HS6ST3: variants seen among roughly 807,000 people sequenced by gnomAD.
HS6ST3 encodes the protein heparan-sulfate 6-O-sulfotransferase 3.
HS6ST3 carries 12 observed loss-of-function variants against 36.7 expected under a neutral mutation model. The observed-to-expected ratio is 0.33, with a 90% CI of 0.21 to 0.53. The LOEUF is 0.53. HS6ST3 is among the 20% of genes least tolerant of loss of function. The pLI, the probability that HS6ST3 is intolerant of heterozygous loss-of-function variation, is 0.95. For synonymous variants in HS6ST3, 240 were observed against 257.5 expected, an observed-to-expected ratio of 0.93 and a Z score of 0.65; for missense variants, 584 against 640.9, an observed-to-expected ratio of 0.91 and a Z score of 0.96.
At chr13:96,400,123 G>C (rs1216745199) in intron 1 of HS6ST3, among the ~76,000 whole-genome samples, 6 of 150,188 alleles carry the variant, frequency 4.0e-5, no homozygotes, top group Non-Finnish European at 1.5e-5. Context: ...CAGTATACTG[G>C]AAATGCTCCC....
chr13:96,699,310 A>G (rs192269119), intron 1 of HS6ST3, among the ~76,000 whole-genome samples: 56 of 152,292 alleles, frequency 3.7e-4, no homozygotes, highest in Non-Finnish European at 5.0e-4. Flanking sequence ...AGAATTCACA[A>G]GCAACCTACA....
intron 1 of HS6ST3, among the ~76,000 whole-genome samples, chr13:96,568,676 T>G (rs1271118283): frequency 6.6e-6 from 1 of 152,220 alleles, no homozygotes; most frequent in Non-Finnish European, 1.5e-5. Flanking sequence ...ACAGATCATA[T>G]CTGAGAACAC....
chr13:96,284,944 T>TTTCC (rs2054794448), intron 1 of HS6ST3, among the ~76,000 whole-genome samples: 1 of 151,218 alleles, frequency 6.6e-6, no homozygotes, highest in Admixed American at 6.6e-5. Flanking sequence ...TCTTTCTTTC[T>TTTCC]TTCTTTCTTT....
intron 1 of HS6ST3, among the ~76,000 whole-genome samples, chr13:96,206,119 A>G (rs1158295704): frequency 6.6e-6 from 1 of 152,190 alleles, no homozygotes; most frequent in Non-Finnish European, 1.5e-5. Flanking sequence ...GCAAAGTCTC[A>G]GGATACAAAA....
intron 1 of HS6ST3, among the ~76,000 whole-genome samples, chr13:96,779,443 A>G (rs1158203347): frequency 6.6e-6 from 1 of 152,144 alleles, no homozygotes; most frequent in Non-Finnish European, 1.5e-5. Context: ...CTCAACAACT[A>G]TATGAGAGCT....
chr13:96,821,673 G>A (rs1320625029), intron 1 of HS6ST3, among the ~76,000 whole-genome samples: 1 of 152,156 alleles, frequency 6.6e-6, no homozygotes, highest in Non-Finnish European at 1.5e-5. Context: ...CATTATTGAG[G>A]AGATGACCTC....
intron 1 of HS6ST3, among the ~76,000 whole-genome samples, chr13:96,744,470 T>C (rs1876515931): frequency 6.6e-6 from 1 of 152,048 alleles, no homozygotes; most frequent in Non-Finnish European, 1.5e-5. Context: ...TAACACGATA[T>C]TAATGGCTGA....
intron 1 of HS6ST3, among the ~76,000 whole-genome samples, chr13:96,619,919 C>G (rs1319946145): frequency 1.3e-5 from 2 of 152,080 alleles, no homozygotes; most frequent in Non-Finnish European, 2.9e-5. Context: ...AACTTTGGGG[C>G]TTGGAACAGT....
Position 96,345,582 on chromosome 13 carries a change from C to G in HS6ST3, c.707+254013C>G, listed in dbSNP as rs538542134. Among the ~76,000 whole-genome samples the G allele has an allele frequency of 8.5e-5, 13 of 152,290 alleles. No homozygotes were observed. The East Asian group carries it at 2.5e-3, about 29-fold the overall frequency. On this transcript the variant is annotated intron_variant, in intron 1 of 1. Coordinates refer to ENST00000376705, the MANE Select transcript of HS6ST3 (RefSeq NM_153456.4). ...CTTCACATGTACTAGGGGACAATAT[C>G]GTACCACATTGTTTGTGGGTATCCT...
intron 1 of HS6ST3, among the ~76,000 whole-genome samples, chr13:96,470,608 C>T (rs1382171941): frequency 4.6e-5 from 7 of 152,188 alleles, no homozygotes; most frequent in Non-Finnish European, 2.9e-5. Context: ...AACCTTGCCT[C>T]TTCCATAGTC....
intron 1 of HS6ST3, among the ~76,000 whole-genome samples, chr13:96,092,159 G>A (rs1315873632): frequency 6.6e-6 from 1 of 152,148 alleles, no homozygotes; most frequent in Non-Finnish European, 1.5e-5. Context: ...TCTAATTCTG[G>A]AGATGGTCTT....
intron 1 of HS6ST3, among the ~76,000 whole-genome samples, chr13:96,628,054 T>G (rs558911968): frequency 6.6e-6 from 1 of 152,032 alleles, no homozygotes; most frequent in African/African-American, 2.4e-5. Flanking sequence ...TAATGTGCTT[T>G]ATTTGGGTTT....
At chr13:96,564,630 C>G (rs2056274512) in intron 1 of HS6ST3, among the ~76,000 whole-genome samples, 1 of 152,136 alleles carries the variant, frequency 6.6e-6, no homozygotes, top group Admixed American at 6.6e-5. Context: ...ACGAAATGAC[C>G]TGGGCAAATC....
intron 1 of HS6ST3, among the ~76,000 whole-genome samples, chr13:96,146,358 A>G (rs867974589): frequency 9.9e-5 from 15 of 152,254 alleles, no homozygotes; most frequent in Non-Finnish European, 1.8e-4. Context: ...TTTTCCTTGA[A>G]GAGGTCCTTC....
chr13:96,280,457 G>A (rs903714546), intron 1 of HS6ST3, among the ~76,000 whole-genome samples: 3 of 152,158 alleles, frequency 2.0e-5, no homozygotes, highest in Admixed American at 6.6e-5. Flanking sequence ...TGCCTTCAAT[G>A]TGAGGGACCC....
chr13:96,783,367 T>A (rs887845147), intron 1 of HS6ST3, among the ~76,000 whole-genome samples: 4 of 152,192 alleles, frequency 2.6e-5, no homozygotes, highest in Non-Finnish European at 5.9e-5. Context: ...GCTGGCTGAA[T>A]TTTTTTTATT....
intron 1 of HS6ST3, among the ~76,000 whole-genome samples, chr13:96,441,267 A>G (rs1295153442): frequency 6.6e-6 from 1 of 151,964 alleles, no homozygotes; most frequent in Non-Finnish European, 1.5e-5. Flanking sequence ...TAAGATAAAG[A>G]CTTGAAAAAA....
At chr13:96,497,607 A>G (rs1399935233) in intron 1 of HS6ST3, among the ~76,000 whole-genome samples, 1 of 152,110 alleles carries the variant, frequency 6.6e-6, no homozygotes, top group African/African-American at 2.4e-5. Context: ...ATTCACCACA[A>G]GGCCCTCAAA....
intron 1 of HS6ST3, among the ~76,000 whole-genome samples, chr13:96,314,877 G>A (rs2054960370): frequency 2.0e-5 from 3 of 152,070 alleles, no homozygotes; most frequent in Non-Finnish European, 1.5e-5. Flanking sequence ...GCATATACAT[G>A]TATACATTTT....
Sources: allele counts gnomAD v4.1 joint callset (sites outside exome capture counted in the v4.1 genomes callset), GRCh38; gene constraint gnomAD v4.1.1; transcripts MANE v1.5; gene names NCBI Gene and HGNC (gene_info 2026-07-23, HGNC 2026-07-21).